Variants in MGAT4C observed in about 807,000 individuals in gnomAD.
MGAT4C encodes MGAT4 family member C.
In MGAT4C, 19 loss-of-function variants were observed where a neutral mutation model predicts 40.1. That is an observed-to-expected ratio of 0.47 (90% CI 0.33 to 0.70). The LOEUF (loss-of-function observed/expected upper bound fraction) is 0.70. Ranked by LOEUF, MGAT4C falls within the 30% of genes least tolerant of loss-of-function variation. The pLI is 0.02. For synonymous variants in MGAT4C, 181 were observed against 187.1 expected (o/e 0.97, Z 0.27); for missense variants, 491 against 563.2 (o/e 0.87, Z 1.30).
At chr12:86,537,498 A>G (rs1392882082) in intron 2 of MGAT4C, among the ~76,000 whole-genome samples, 1 of 152,156 alleles carries the variant, frequency 6.6e-6, no homozygotes, top group Non-Finnish European at 1.5e-5. Flanking sequence ...AAAATTATAT[A>G]TATTTTCAAC....
intron 3 of MGAT4C, among the ~76,000 whole-genome samples, chr12:86,347,827 T>C (rs986162230): frequency 1.3e-5 from 2 of 151,600 alleles, no homozygotes; most frequent in Admixed American, 1.3e-4. Context: ...AAAGTAAAAT[T>C]GTTATTTTAA....
At chr12:86,173,469 A>G (rs537526768) in intron 1 of MGAT4C, among the ~76,000 whole-genome samples, 3 of 152,106 alleles carry the variant, frequency 2.0e-5, no homozygotes, top group Admixed American at 2.0e-4. Flanking sequence ...TTTTTATTCA[A>G]AATATTGTTT....
At chr12:86,701,313 G>A (rs140080618) in intron 2 of MGAT4C, among the ~76,000 whole-genome samples, 1 of 151,666 alleles carries the variant, frequency 6.6e-6, no homozygotes, top group South Asian at 2.1e-4. Flanking sequence ...AACAGCATGT[G>A]CTCACTTTAT....
intron 3 of MGAT4C, among the ~76,000 whole-genome samples, chr12:86,341,658 C>A (rs557147345): frequency 6.6e-6 from 1 of 152,158 alleles, no homozygotes. Flanking sequence ...TGTTCAGGAG[C>A]CTTTGCCATT....
intron 2 of MGAT4C, among the ~76,000 whole-genome samples, chr12:86,718,602 T>C (rs889472221): frequency 6.6e-5 from 10 of 152,126 alleles, no homozygotes; most frequent in African/African-American, 1.4e-4. Context: ...CCCCTGACCA[T>C]GGACCACTAC....
At chr12:86,682,186 A>G (rs1949995394) in intron 2 of MGAT4C, among the ~76,000 whole-genome samples, 1 of 152,070 alleles carries the variant, frequency 6.6e-6, no homozygotes, top group Non-Finnish European at 1.5e-5. Flanking sequence ...TTTTGTAGGC[A>G]TGTTTACTTA....
intron 2 of MGAT4C, among the ~76,000 whole-genome samples, chr12:86,544,188 G>A (rs1959181773): frequency 6.6e-6 from 1 of 152,076 alleles, no homozygotes; most frequent in African/African-American, 2.4e-5. Flanking sequence ...TCTGAATTGT[G>A]TGTTTTCCAA....
At chr12:86,154,420 G>A (rs1884664625) in intron 1 of MGAT4C, among the ~76,000 whole-genome samples, 1 of 152,138 alleles carries the variant, frequency 6.6e-6, no homozygotes, top group African/African-American at 2.4e-5. Flanking sequence ...CCTCAGCTCC[G>A]GTGTAAGTCA....
chr12:86,232,856 C>T (rs1315225370), intron 1 of MGAT4C, among the ~76,000 whole-genome samples: 1 of 152,158 alleles, frequency 6.6e-6, no homozygotes, highest in Non-Finnish European at 1.5e-5. Context: ...GGGAATGTCA[C>T]CACTTGCTAA....
At chr12:86,130,408 T>G (rs563539910) in intron 1 of MGAT4C, among the ~76,000 whole-genome samples, 1 of 152,154 alleles carries the variant, frequency 6.6e-6, no homozygotes, top group Non-Finnish European at 1.5e-5. Flanking sequence ...GCAACATACG[T>G]TTTGGAATTC....
intron 3 of MGAT4C, among the ~76,000 whole-genome samples, chr12:86,356,571 C>G (rs1245722208): frequency 6.6e-6 from 1 of 152,132 alleles, no homozygotes; most frequent in African/African-American, 2.4e-5. Flanking sequence ...CCTTTCCTAG[C>G]CAAGGGTAGC....
chr12:86,311,899 T>C (rs1385506782), intron 4 of MGAT4C, among the ~76,000 whole-genome samples: 1 of 151,994 alleles, frequency 6.6e-6, no homozygotes, highest in Non-Finnish European at 1.5e-5. Flanking sequence ...TGGACACAGG[T>C]GTTAGGAGAG....
intron 2 of MGAT4C, among the ~76,000 whole-genome samples, chr12:86,007,926 A>G (rs538707791): frequency 5.3e-5 from 8 of 152,104 alleles, no homozygotes; most frequent in African/African-American, 1.4e-4. Flanking sequence ...TCCCTTTTCT[A>G]TCCCATTTAT....
chr12:85,962,974 C>T lies in MGAT4C; in HGVS notation c.*16315G>A, dbSNP rs1331727876. 6.6e-6 allele frequency: 1 copy of T among 151,496 alleles called. No individual in the cohort carries two copies. The highest frequency in any genetic ancestry group is 1.5e-5 in the Non-Finnish European group (1 of 67,714). The allele number at this position is 151,496 out of a possible 1,614,324, so 9.4% of individuals were successfully genotyped here. A position where few individuals can be genotyped will look rare whatever the true frequency, so the allele number is the denominator to read the frequency against. On this transcript the variant is annotated 3_prime_UTR_variant, in exon 5 of 5. Coordinates refer to ENST00000611864, the MANE Select transcript of MGAT4C (RefSeq NM_001351288.2). The stretch of plus-strand genomic sequence containing the variant: ...AAAAAATTACATAAACAAGTATTTC[C>T]TAGAGTTCAAACACTGATCTTTTTA...
chr12:86,392,680 G>A (rs1464323393), intron 3 of MGAT4C, among the ~76,000 whole-genome samples: 3 of 152,084 alleles, frequency 2.0e-5, no homozygotes, highest in Admixed American at 6.6e-5. Flanking sequence ...TCTGCAAAAC[G>A]GTGTTGGGAA....
At chr12:86,155,966 T>G (rs1187599648) in intron 1 of MGAT4C, among the ~76,000 whole-genome samples, 1 of 152,230 alleles carries the variant, frequency 6.6e-6, no homozygotes, top group Non-Finnish European at 1.5e-5. Context: ...TTTAGTCTAG[T>G]GAAATAAAAA....
chr12:86,007,147 GT>G (rs1356084402), intron 2 of MGAT4C, among the ~76,000 whole-genome samples: 5 of 151,886 alleles, frequency 3.3e-5, no homozygotes, highest in Admixed American at 3.3e-4. Context: ...ATTTTCAACT[GT>G]GTTCAATGAA....
chr12:86,078,335 G>A (rs1398931522), intron 1 of MGAT4C, among the ~76,000 whole-genome samples: 1 of 152,208 alleles, frequency 6.6e-6, no homozygotes, highest in Non-Finnish European at 1.5e-5. Flanking sequence ...TGAATTCCAT[G>A]AGCATGAGCC....
At chr12:86,077,043 T>A (rs776830510) in intron 1 of MGAT4C, among the ~76,000 whole-genome samples, 25 of 152,144 alleles carry the variant, frequency 1.6e-4, no homozygotes, top group Non-Finnish European at 2.1e-4. Flanking sequence ...TGCCAGCTGA[T>A]TAGATTGTGC....
Sources: allele counts gnomAD v4.1 joint callset (sites outside exome capture counted in the v4.1 genomes callset), GRCh38; gene constraint gnomAD v4.1.1; transcripts MANE v1.5; gene names NCBI Gene and HGNC (gene_info 2026-07-23, HGNC 2026-07-21).